Variants in SLC24A4 observed in about 807,000 individuals in gnomAD.
SLC24A4 encodes sodium/potassium/calcium exchanger 4.
In SLC24A4, 53 loss-of-function variants were observed where a neutral mutation model predicts 79.0. That is an observed-to-expected ratio of 0.67 (90% CI 0.54 to 0.84). The LOEUF (loss-of-function observed/expected upper bound fraction) is 0.84, where lower values mean the gene tolerates loss of function less well. Among genes scored for constraint, SLC24A4 ranks in the 40% least tolerant of loss-of-function variants. The pLI is 0.00. For synonymous variants in SLC24A4, 323 were observed against 323.8 expected (o/e 1.00, Z 0.03); for missense variants, 731 against 822.0 (o/e 0.89, Z 1.35).
At chr14:92,485,168 C>T (rs1320167837) in intron 13 of SLC24A4, among the ~76,000 whole-genome samples, 1 of 152,146 alleles carries the variant, frequency 6.6e-6, no homozygotes, top group Non-Finnish European at 1.5e-5. Flanking sequence ...TAGTTACTAT[C>T]TAAACTCCCT....
chr14:92,488,210 T>C (rs1895486198), intron 14 of SLC24A4, among the ~76,000 whole-genome samples: 1 of 152,014 alleles, frequency 6.6e-6, no homozygotes, highest in Admixed American at 6.5e-5. Flanking sequence ...TAGCCAGGAC[T>C]ACGGGCACAT....
Position 92,440,853 on chromosome 14 carries a change from G to GAGGGA in SLC24A4, c.394-1211_394-1207dup, listed in dbSNP as rs542463010. ...AGTGGGAAGGAGTTTAGCAAGCAGA[G>GAGGGA]AGGGAAGGGAAGGGAAGGGAAGGGA... On this transcript the variant is annotated intron_variant, in intron 4 of 16. Coordinates refer to ENST00000532405, the MANE Select transcript of SLC24A4 (RefSeq NM_153646.4). 7.3e-3 allele frequency among the ~76,000 whole-genome samples: 1,110 copies of GAGGGA among 151,378 alleles called. 15 individuals are homozygous for GAGGGA. Among genetic ancestry groups the GAGGGA allele is most frequent in the African/African-American group, 0.023 (955 of 41,092 alleles).
intron 12 of SLC24A4, among the ~76,000 whole-genome samples, chr14:92,467,361 G>A (rs958638565): frequency 3.9e-5 from 6 of 152,138 alleles, no homozygotes; most frequent in African/African-American, 1.2e-4. Context: ...ACATTTTCTT[G>A]ATGAAGACAC....
chr14:92,487,614 A>T (rs1027135450), intron 14 of SLC24A4, among the ~76,000 whole-genome samples: 1 of 152,204 alleles, frequency 6.6e-6, no homozygotes, highest in Non-Finnish European at 1.5e-5. Context: ...CAGGGCCCTG[A>T]CAGCGAATGG....
At chr14:92,370,067 A>G (rs1423711500) in intron 2 of SLC24A4, among the ~76,000 whole-genome samples, 6 of 152,240 alleles carry the variant, frequency 3.9e-5, no homozygotes, top group Non-Finnish European at 8.8e-5. Flanking sequence ...AAGGGTATTC[A>G]TTGTATTCTT....
intron 12 of SLC24A4, among the ~76,000 whole-genome samples, chr14:92,477,564 A>G (rs987212553): frequency 5.9e-5 from 9 of 152,062 alleles, no homozygotes; most frequent in African/African-American, 1.9e-4. Flanking sequence ...GGCTAGAGCA[A>G]TCCTCCCACC....
At chr14:92,405,159 G>T (rs2141773231) in intron 2 of SLC24A4, among the ~76,000 whole-genome samples, 1 of 152,198 alleles carries the variant, frequency 6.6e-6, no homozygotes, top group Non-Finnish European at 1.5e-5. Context: ...CTGTGCCCTT[G>T]ACTCATCTAT....
chr14:92,472,219 G>A (rs1303876496), intron 12 of SLC24A4, among the ~76,000 whole-genome samples: 1 of 152,180 alleles, frequency 6.6e-6, no homozygotes, highest in Non-Finnish European at 1.5e-5. Context: ...TTCAGCCCCA[G>A]AGCTCCCTGA....
At chr14:92,351,604 C>T (rs921062677) in intron 2 of SLC24A4, among the ~76,000 whole-genome samples, 12 of 152,310 alleles carry the variant, frequency 7.9e-5, no homozygotes, top group African/African-American at 2.6e-4. Context: ...TGCATGTAAT[C>T]CCAGAACTTC....
At chr14:92,412,147 G>A (rs1455949811) in intron 2 of SLC24A4, among the ~76,000 whole-genome samples, 1 of 152,182 alleles carries the variant, frequency 6.6e-6, no homozygotes, top group Non-Finnish European at 1.5e-5. Flanking sequence ...GGTTTGGCAG[G>A]AAGAAAGCCT....
At chr14:92,368,741 G>A (rs1595173790) in intron 2 of SLC24A4, among the ~76,000 whole-genome samples, 1 of 152,106 alleles carries the variant, frequency 6.6e-6, no homozygotes, top group Admixed American at 6.5e-5. Context: ...AAAACAGGAG[G>A]GCTGGTAGAA....
chr14:92,330,600 G>A (rs1885420199), intron 2 of SLC24A4, among the ~76,000 whole-genome samples: 1 of 152,232 alleles, frequency 6.6e-6, no homozygotes, highest in Non-Finnish European at 1.5e-5. Context: ...AAATATCATA[G>A]ACAGGATAGC....
At chr14:92,393,382 C>T (rs1889592107) in intron 2 of SLC24A4, among the ~76,000 whole-genome samples, 1 of 152,092 alleles carries the variant, frequency 6.6e-6, no homozygotes, top group African/African-American at 2.4e-5. Context: ...CGTGGAGGTC[C>T]TGGGAGTTCC....
intron 12 of SLC24A4, among the ~76,000 whole-genome samples, chr14:92,474,240 A>G (rs1026077768): frequency 6.6e-6 from 1 of 152,108 alleles, no homozygotes; most frequent in Non-Finnish European, 1.5e-5. Flanking sequence ...TTATGTTCAG[A>G]TTATCTTTTC....
At chr14:92,489,187 C>T (rs1595364207) in intron 14 of SLC24A4, among the ~76,000 whole-genome samples, 1 of 152,036 alleles carries the variant, frequency 6.6e-6, no homozygotes, top group African/African-American at 2.4e-5. Flanking sequence ...CCTGTAATCC[C>T]AGCACTTTGG....
intron 14 of SLC24A4, among the ~76,000 whole-genome samples, chr14:92,486,995 G>C (rs1348286688): frequency 6.6e-6 from 1 of 152,184 alleles, no homozygotes; most frequent in Admixed American, 6.5e-5. Flanking sequence ...CCTCTATCTA[G>C]AAGCTTTTGC....
intron 2 of SLC24A4, among the ~76,000 whole-genome samples, chr14:92,327,393 G>T (rs1885208074): frequency 6.6e-6 from 1 of 152,190 alleles, no homozygotes; most frequent in South Asian, 2.1e-4. Context: ...CCTCTCATCA[G>T]CCAGGCTGGT....
intron 2 of SLC24A4, among the ~76,000 whole-genome samples, chr14:92,336,810 G>T (rs138816884): frequency 1.3e-5 from 2 of 151,948 alleles, no homozygotes. Context: ...AGCAGACCAC[G>T]TCTGAGCCTG....
chr14:92,422,217 G>A (rs1459879118), intron 2 of SLC24A4, among the ~76,000 whole-genome samples: 1 of 152,216 alleles, frequency 6.6e-6, no homozygotes, highest in Non-Finnish European at 1.5e-5. Context: ...TTTGTGGGAA[G>A]ACTACAGGAA....
Sources: allele counts gnomAD v4.1 joint callset (sites outside exome capture counted in the v4.1 genomes callset), GRCh38; gene constraint gnomAD v4.1.1; transcripts MANE v1.5; gene names NCBI Gene and HGNC (gene_info 2026-07-23, HGNC 2026-07-21).